LGSN: variants seen among roughly 807,000 people sequenced by gnomAD.
The protein encoded by LGSN is lengsin, lens protein with glutamine synthetase domain.
In LGSN, 21 loss-of-function variants were observed where a neutral mutation model predicts 19.5. The observed-to-expected ratio is 1.07, with a 90% confidence interval of 0.76 to 1.55. The LOEUF (loss-of-function observed/expected upper bound fraction) is 1.55, where lower values mean the gene tolerates loss of function less well. LGSN is among the 40% of genes most tolerant of loss of function. The pLI, the probability that LGSN is intolerant of heterozygous loss-of-function variation, is 0.00. For synonymous variants in LGSN, 257 were observed against 215.6 expected, an observed-to-expected ratio of 1.19 and a Z score of -1.68; for missense variants, 673 against 608.5, an observed-to-expected ratio of 1.11 and a Z score of -1.12.
chr6:63,285,651 C>T lies in LGSN; in HGVS notation c.266G>A (p.Arg89Gln), dbSNP rs755470418. 10 of 1,614,006 alleles carry T rather than the reference C, an allele frequency of 6.2e-6. No individual in the cohort carries two copies. The highest frequency in any genetic ancestry group is 1.1e-5 in the South Asian group (1 of 91,080). Residue 89 changes from arginine (R) to glutamine (Q), a missense_variant, in exon 3 of 4, where the codon CGA becomes CAA. By Grantham distance (43) the Arg-to-Gln change is conservative (BLOSUM62 1). Transcript: ENST00000370657. ...AMAKNRLQFV[R>Q]FEATDLHGVS... is the part of the protein sequence containing the mutation. ...GCCGTGGAGGTCTGTTGCTTCAAAT[C>T]GTACAAACTGGAGGCGATTTTTGGC...
At chr6:63,288,101 C>A in intron 2 of LGSN, among the ~76,000 whole-genome samples, 1 of 151,674 alleles carries the variant, frequency 6.6e-6, no homozygotes, top group Non-Finnish European at 1.5e-5. Flanking sequence ...ACCTGTAATC[C>A]CAGCTACTCA....
chr6:63,428,817 G>C, the LGSN span, among the ~76,000 whole-genome samples: 1 of 152,156 alleles, frequency 6.6e-6, no homozygotes, highest in Non-Finnish European at 1.5e-5. Flanking sequence ...GAGAAGTCAG[G>C]ATCCCTGATG....
the LGSN span, among the ~76,000 whole-genome samples, chr6:63,348,706 T>A: frequency 6.6e-6 from 1 of 151,524 alleles, no homozygotes; most frequent in Non-Finnish European, 1.5e-5. Context: ...TAACCCAAAG[T>A]AGGATACTAA....
At chr6:63,440,199 C>T in the LGSN span, among the ~76,000 whole-genome samples, 30 of 152,318 alleles carry the variant, frequency 2.0e-4, no homozygotes, top group African/African-American at 7.2e-4. Flanking sequence ...AGCCTAAAAC[C>T]AGACTGCTGG....
rs1408457836 is a variant in LGSN at position 63,279,016 on chromosome 6, T to C, written c.*1005A>G. 6.6e-6 allele frequency: 1 copy of C among 152,228 alleles called. No individual in the cohort carries two copies. The highest frequency in any genetic ancestry group is 1.5e-5 in the Non-Finnish European group (1 of 68,042). 9.4% of individuals were successfully genotyped at this position (152,228 alleles called of 1,614,324 possible). A position where few individuals can be genotyped will look rare whatever the true frequency, so the allele number is the denominator to read the frequency against. The stretch of plus-strand genomic sequence containing the variant: ...CTTCCCAAAAGCAGCTAAACTTTTG[T>C]GATAGTTACAATATTATCTCATTCA... On this transcript the variant is annotated 3_prime_UTR_variant, in exon 4 of 4. Transcript: ENST00000370657.
the LGSN span, among the ~76,000 whole-genome samples, chr6:63,485,482 G>A: frequency 3.3e-5 from 5 of 152,130 alleles, no homozygotes; most frequent in African/African-American, 9.7e-5. Context: ...TGTGAATAGT[G>A]TTGCAATGAA....
At chr6:63,389,396 T>A in the LGSN span, among the ~76,000 whole-genome samples, 2 of 152,216 alleles carry the variant, frequency 1.3e-5, no homozygotes, top group African/African-American at 2.4e-5. Context: ...CTTAAACAAG[T>A]AATAGAAACT....
chr6:63,445,986 C>T, the LGSN span, among the ~76,000 whole-genome samples: 5 of 152,108 alleles, frequency 3.3e-5, no homozygotes, highest in African/African-American at 7.2e-5. Flanking sequence ...TCGTGGCTCA[C>T]GCCTGTAATC....
rs61758981 is a variant in LGSN at position 63,294,932 on chromosome 6, C to T, written c.144G>A (p.Thr48=). 1.7e-3 allele frequency: 2,805 copies of T among 1,613,802 alleles called. 3 individuals carry two copies. Among genetic ancestry groups the T allele is most frequent in the Non-Finnish European group, 2.2e-3 (2,599 of 1,179,838 alleles). ...AGATACCATTTGAATTGGACATATC[C>T]GTTTCTCCCACTTCAGTTGAACAAA... ...PYVCSTEVGE[T]DMSNSNDCMR... Residue 48 remains threonine (T), a synonymous_variant, in exon 2 of 4, where the codon ACG becomes ACA. Coordinates refer to ENST00000370657, the MANE Select transcript of LGSN (RefSeq NM_016571.3).
At chr6:63,359,887 G>C in the LGSN span, among the ~76,000 whole-genome samples, 1 of 152,044 alleles carries the variant, frequency 6.6e-6, no homozygotes. Flanking sequence ...GCATTTGCTC[G>C]TCTGTAAAGT....
At chr6:63,338,236 A>AAAAT in the LGSN span, among the ~76,000 whole-genome samples, 97 of 152,246 alleles carry the variant, frequency 6.4e-4, no homozygotes, top group African/African-American at 1.0e-3. Flanking sequence ...AATTATCTCA[A>AAAAT]AAATAAATAA....
chr6:63,505,263 C>T, the LGSN span, among the ~76,000 whole-genome samples: 2 of 151,424 alleles, frequency 1.3e-5, no homozygotes, highest in African/African-American at 4.9e-5. Context: ...TATGCTTTTC[C>T]TCATCTCTTT....
chr6:63,559,441 T>C, the LGSN span, among the ~76,000 whole-genome samples: 1 of 152,054 alleles, frequency 6.6e-6, no homozygotes, highest in East Asian at 1.9e-4. Context: ...AAAAAAATCA[T>C]TTGGTTTAAA....
chr6:63,371,280 TC>T, the LGSN span, among the ~76,000 whole-genome samples: 1 of 152,218 alleles, frequency 6.6e-6, no homozygotes, highest in African/African-American at 2.4e-5. Flanking sequence ...CCAAGGTCAG[TC>T]CCTGCCATAG....
chr6:63,412,761 A>AAGAAAGAGAG, the LGSN span, among the ~76,000 whole-genome samples: 19 of 20,078 alleles, frequency 9.5e-4, 1 homozygote, highest in African/African-American at 4.7e-3. Flanking sequence ...GAAAGAAAGA[A>AAGAAAGAGAG]AGAAAGAAAG....
chr6:63,415,158 T>C, the LGSN span, among the ~76,000 whole-genome samples: 3 of 151,338 alleles, frequency 2.0e-5, no homozygotes, highest in Middle Eastern at 3.3e-3. Flanking sequence ...TGAAACCCTG[T>C]CTGTAATAAA....
the LGSN span, among the ~76,000 whole-genome samples, chr6:63,562,407 C>G: frequency 6.6e-6 from 1 of 152,138 alleles, no homozygotes; most frequent in Admixed American, 6.5e-5. Context: ...CCATGTTGGT[C>G]AGGCTGGTCT....
the LGSN span, among the ~76,000 whole-genome samples, chr6:63,345,318 G>A: frequency 0.027 from 4,130 of 151,914 alleles, 57 homozygotes; most frequent in Non-Finnish European, 0.045. Context: ...TTTTAAATGC[G>A]TATTCAATAA....
chr6:63,369,805 C>A, the LGSN span, among the ~76,000 whole-genome samples: 1 of 152,146 alleles, frequency 6.6e-6, no homozygotes, highest in African/African-American at 2.4e-5. Flanking sequence ...GGAGTTGAGA[C>A]TAGCCTGGGC....
Sources: gnomAD v4.1 joint callset for allele counts (sites outside exome capture counted in the v4.1 genomes callset) on GRCh38, gnomAD v4.1.1 for gene constraint, MANE v1.5 for transcripts, NCBI Gene and HGNC (gene_info 2026-07-23, HGNC 2026-07-21) for gene names.